Variants in OCA2 observed in about 807,000 individuals in gnomAD.
OCA2 encodes the protein P protein.
A neutral mutation model predicts 100.2 loss-of-function variants in OCA2; 77 were observed. The observed-to-expected ratio is 0.77, with a 90% confidence interval of 0.64 to 0.93. The LOEUF is 0.93. Ranked by LOEUF, OCA2 falls within the 40% of genes least tolerant of loss-of-function variation. OCA2 has a pLI of 0.00. For missense variants in OCA2, 1,062 were observed against 1,089.1 expected (o/e 0.98, Z 0.35); for synonymous variants, 432 against 439.2 (o/e 0.98, Z 0.21).
the OCA2 span, among the ~76,000 whole-genome samples, chr15:27,731,108 G>C: frequency 3.3e-5 from 5 of 152,050 alleles, no homozygotes; most frequent in African/African-American, 1.2e-4. Context: ...TGTGTCACAG[G>C]CTGTTAGTAC....
chr15:28,025,507 A>T (rs181582127), intron 4 of OCA2, among the ~76,000 whole-genome samples: 6 of 152,138 alleles, frequency 3.9e-5, no homozygotes, highest in Non-Finnish European at 7.3e-5. Context: ...CCAAGGCCCT[A>T]TGTGAACCTG....
chr15:27,944,115 C>T (rs982616055), intron 18 of OCA2, among the ~76,000 whole-genome samples: 1 of 152,120 alleles, frequency 6.6e-6, no homozygotes, highest in Non-Finnish European at 1.5e-5. Context: ...ATTTGGTACC[C>T]TTGGCTTGTC....
At chr15:27,876,422 G>T (rs1007429308) in intron 19 of OCA2, among the ~76,000 whole-genome samples, 2 of 151,880 alleles carry the variant, frequency 1.3e-5, no homozygotes, top group Non-Finnish European at 2.9e-5. Flanking sequence ...CACATAATAC[G>T]TTTGTCTTAA....
chr15:27,877,844 T>C (rs1327847961), intron 19 of OCA2, among the ~76,000 whole-genome samples: 2 of 152,002 alleles, frequency 1.3e-5, no homozygotes, highest in Non-Finnish European at 2.9e-5. Flanking sequence ...AACACAATTA[T>C]TGATATAGCT....
intron 18 of OCA2, chr15:27,950,444 T>C (rs1041089883): frequency 1.5e-5 from 7 of 455,798 alleles, no homozygotes; most frequent in Admixed American, 7.8e-5. Context: ...CCAAATACAA[T>C]TGAAATTCAC....
At chr15:27,896,324 A>C (rs2037687354) in intron 19 of OCA2, 1 of 857,210 alleles carries the variant, frequency 1.2e-6, no homozygotes, top group Non-Finnish European at 2.0e-6. Context: ...TGTGCTACTT[A>C]ATGGAGGAAG....
At chr15:27,760,899 G>C (rs971389403) in intron 23 of OCA2, among the ~76,000 whole-genome samples, 1 of 151,904 alleles carries the variant, frequency 6.6e-6, no homozygotes, top group Non-Finnish European at 1.5e-5. Flanking sequence ...AAAGGGGAGG[G>C]AACATCATTT....
intron 2 of OCA2, among the ~76,000 whole-genome samples, chr15:28,080,099 A>G (rs2044571060): frequency 6.6e-6 from 1 of 152,180 alleles, no homozygotes; most frequent in African/African-American, 2.4e-5. Flanking sequence ...GGCTGGGACA[A>G]TCCTGCTGCC....
intron 21 of OCA2, among the ~76,000 whole-genome samples, chr15:27,858,417 A>G (rs1374813554): frequency 6.6e-6 from 1 of 151,772 alleles, no homozygotes; most frequent in Non-Finnish European, 1.5e-5. Flanking sequence ...AGAAATTGGC[A>G]GACTGGATAA....
intron 19 of OCA2, among the ~76,000 whole-genome samples, chr15:27,919,322 G>A (rs1037206): frequency 0.34 from 52,405 of 151,976 alleles, 9,428 homozygotes; most frequent in Middle Eastern, 0.51. Flanking sequence ...GCACATAGAC[G>A]TTCGTAGCAG....
chr15:27,961,786 C>A (rs1176879763), intron 15 of OCA2, among the ~76,000 whole-genome samples: 1 of 151,010 alleles, frequency 6.6e-6, no homozygotes, highest in Non-Finnish European at 1.5e-5. Flanking sequence ...CATCACACAC[C>A]GGGGGCTGTC....
chr15:27,734,177 G>C, the OCA2 span, among the ~76,000 whole-genome samples: 5 of 146,852 alleles, frequency 3.4e-5, no homozygotes. Context: ...AATTATATGA[G>C]AGAAGTGGAG....
chr15:28,072,195 G>A (rs1445324469), intron 2 of OCA2, among the ~76,000 whole-genome samples: 17 of 140,762 alleles, frequency 1.2e-4, no homozygotes, highest in African/African-American at 2.4e-4. Context: ...GTGAAACCCC[G>A]TCTCTACTAA....
intron 18 of OCA2, among the ~76,000 whole-genome samples, chr15:27,950,029 T>TA (rs952592517): frequency 1.1e-4 from 17 of 152,102 alleles, no homozygotes; most frequent in Admixed American, 3.9e-4. Flanking sequence ...AGACATTTTG[T>TA]AAAAAAAACG....
chr15:28,000,792 A>G (rs184640268), intron 9 of OCA2, among the ~76,000 whole-genome samples: 35 of 152,304 alleles, frequency 2.3e-4, no homozygotes, highest in Non-Finnish European at 3.1e-4. Context: ...TGATCAAAAA[A>G]TGGGCAAAGG....
At position 27,957,463 on chromosome 15, in the gene OCA2, G is replaced by A. The variant is rs990599614; in HGVS notation, c.1784+125C>T. On this transcript the variant is annotated intron_variant, in intron 16 of 23. Coordinates refer to ENST00000354638, the MANE Select transcript of OCA2 (RefSeq NM_000275.3). The surrounding 1 kb of genome is among the most constrained non-coding windows in gnomAD (Gnocchi z 4.3). ...GGGTTAGATAAAATGTACTATAAGA[G>A]GCTTAGCACAGTGTGCGTCACCTAA... The A allele has an allele frequency of 4.1e-5, 47 of 1,152,146 alleles. No individual in the cohort carries two copies. In the East Asian group the frequency reaches 1.0e-3, roughly 25 times the overall value. 71.4% of individuals were successfully genotyped at this position (1,152,146 alleles called of 1,614,324 possible).
At chr15:27,896,506 T>G (rs1002598656) in intron 19 of OCA2, 3 of 530,606 alleles carry the variant, frequency 5.7e-6, no homozygotes, top group Middle Eastern at 5.7e-4. Flanking sequence ...AAAATGTCCC[T>G]TGCTCAAAAG....
chr15:27,908,248 A>G (rs1032086991), intron 19 of OCA2, among the ~76,000 whole-genome samples: 1 of 152,268 alleles, frequency 6.6e-6, no homozygotes, highest in East Asian at 1.9e-4. Context: ...AGTACCATAC[A>G]CTCTATTAAT....
chr15:27,946,482 T>C (rs964703823), intron 18 of OCA2, among the ~76,000 whole-genome samples: 17 of 152,174 alleles, frequency 1.1e-4, no homozygotes, highest in African/African-American at 4.1e-4. Flanking sequence ...CTGTAACCAA[T>C]GTCACTGTTT....
Sources: allele counts gnomAD v4.1 joint callset (sites outside exome capture counted in the v4.1 genomes callset), GRCh38; gene constraint gnomAD v4.1.1; non-coding constraint Gnocchi (gnomAD v3.1); transcripts MANE v1.5; gene names NCBI Gene and HGNC (gene_info 2026-07-23, HGNC 2026-07-21).